FTCDNL1: variants seen among roughly 807,000 people sequenced by gnomAD.
FTCDNL1 encodes formiminotransferase N-terminal subdomain-containing protein.
In FTCDNL1, 11 loss-of-function variants were observed where a neutral mutation model predicts 5.9. That is an observed-to-expected ratio of 1.87 (90% CI 1.18 to 3.10). FTCDNL1 has a LOEUF of 3.10. Ranked by LOEUF, FTCDNL1 falls within the 30% of genes most tolerant of loss-of-function variation. The pLI is 0.00. For missense variants in FTCDNL1, 115 were observed against 65.5 expected (o/e 1.76, Z -2.61); for synonymous variants, 58 against 24.8 (o/e 2.34, Z -3.99).
At chr2:199,703,040 G>GTTTT in the FTCDNL1 span, among the ~76,000 whole-genome samples, 1 of 148,616 alleles carries the variant, frequency 6.7e-6, no homozygotes, top group Non-Finnish European at 1.5e-5. Context: ...TTGTTTGTTT[G>GTTTT]TTTTTAATTT....
At chr2:199,815,333 C>T (rs942343271) in intron 4 of FTCDNL1, among the ~76,000 whole-genome samples, 4 of 152,138 alleles carry the variant, frequency 2.6e-5, no homozygotes, top group Non-Finnish European at 5.9e-5. Flanking sequence ...TTGGGAACTT[C>T]AAAACAGAAA....
intron 2 of FTCDNL1, 141 bp downstream of exon 2, chr2:199,848,707 A>G: frequency 1.8e-6 from 1 of 563,940 alleles, no homozygotes; most frequent in Non-Finnish European, 3.1e-6. Context: ...AGTTGCGCAG[A>G]GCTGCAACAG....
the FTCDNL1 span, among the ~76,000 whole-genome samples, chr2:199,711,819 AC>A: frequency 3.9e-5 from 6 of 152,166 alleles, no homozygotes; most frequent in African/African-American, 1.4e-4. Flanking sequence ...CTGGGTTTCC[AC>A]ATCCTGGAAT....
At chr2:199,741,052 T>C in the FTCDNL1 span, among the ~76,000 whole-genome samples, 1 of 152,188 alleles carries the variant, frequency 6.6e-6, no homozygotes, top group South Asian at 2.1e-4. Flanking sequence ...GCAGGAATTA[T>C]GACCTCCCCT....
At chr2:199,735,488 C>T in the FTCDNL1 span, among the ~76,000 whole-genome samples, 2 of 151,750 alleles carry the variant, frequency 1.3e-5, no homozygotes, top group Non-Finnish European at 2.9e-5. Flanking sequence ...ATGTGTATAA[C>T]AAATTAAAGT....
chr2:199,701,549 G>C, the FTCDNL1 span, among the ~76,000 whole-genome samples: 1 of 152,076 alleles, frequency 6.6e-6, no homozygotes, highest in African/African-American at 2.4e-5. Flanking sequence ...CAAAGATATG[G>C]AATCAACCTA....
At chr2:199,733,572 G>T in the FTCDNL1 span, among the ~76,000 whole-genome samples, 1 of 152,170 alleles carries the variant, frequency 6.6e-6, no homozygotes, top group Non-Finnish European at 1.5e-5. Context: ...CTGTATCTAG[G>T]AAAGCAGGAA....
the FTCDNL1 span, among the ~76,000 whole-genome samples, chr2:199,723,091 T>G: frequency 6.6e-6 from 1 of 152,134 alleles, no homozygotes; most frequent in Non-Finnish European, 1.5e-5. Flanking sequence ...CATTAGCTAT[T>G]TTTTCTGATA....
the FTCDNL1 span, among the ~76,000 whole-genome samples, chr2:199,720,454 T>C: frequency 1.3e-5 from 2 of 152,168 alleles, no homozygotes; most frequent in African/African-American, 2.4e-5. Flanking sequence ...ACATCAGAAA[T>C]GTATACTCTT....
intron 3 of FTCDNL1, among the ~76,000 whole-genome samples, chr2:199,829,104 T>G (rs1702208667): frequency 1.3e-5 from 2 of 152,196 alleles, no homozygotes; most frequent in African/African-American, 4.8e-5. Flanking sequence ...AGAAAGAACA[T>G]AAGGCCATCA....
At chr2:199,785,792 A>C (rs771958455) in intron 3 of FTCDNL1, among the ~76,000 whole-genome samples, 1 of 151,972 alleles carries the variant, frequency 6.6e-6, no homozygotes, top group Non-Finnish European at 1.5e-5. Flanking sequence ...GGCTCACTTG[A>C]CTGAGTTTAA....
the FTCDNL1 span, among the ~76,000 whole-genome samples, chr2:199,688,605 G>C: frequency 6.6e-6 from 1 of 152,186 alleles, no homozygotes; most frequent in African/African-American, 2.4e-5. Context: ...AGGCAGTGGA[G>C]ACAGGCCTGG....
chr2:199,728,658 GA>G, the FTCDNL1 span, among the ~76,000 whole-genome samples: 1 of 152,176 alleles, frequency 6.6e-6, no homozygotes, highest in Non-Finnish European at 1.5e-5. Context: ...AGAGGGAAAT[GA>G]GCACAAGGAA....
At chr2:199,832,205 T>G (rs1283215634) in intron 3 of FTCDNL1, among the ~76,000 whole-genome samples, 1 of 152,218 alleles carries the variant, frequency 6.6e-6, no homozygotes, top group Non-Finnish European at 1.5e-5. Context: ...TGTGCAGATG[T>G]GATATAATTC....
downstream of FTCDNL1, among the ~76,000 whole-genome samples, chr2:199,804,796 C>T (rs371716617): frequency 6.6e-6 from 1 of 152,250 alleles, no homozygotes; most frequent in East Asian, 1.9e-4. Context: ...AGAAGCCAGT[C>T]TGAACCCAAT....
chr2:199,795,320 G>A (rs1332810289), intron 3 of FTCDNL1, among the ~76,000 whole-genome samples: 1 of 152,174 alleles, frequency 6.6e-6, no homozygotes, highest in African/African-American at 2.4e-5. Context: ...AGGAGTTATT[G>A]CAGGTTTCTT....
intron 3 of FTCDNL1, among the ~76,000 whole-genome samples, chr2:199,773,111 C>G (rs1698893192): frequency 6.6e-6 from 1 of 152,088 alleles, no homozygotes; most frequent in Non-Finnish European, 1.5e-5. Context: ...GCCATTTCCC[C>G]TAAACAAAAC....
chr2:199,734,085 C>A, the FTCDNL1 span, among the ~76,000 whole-genome samples: 5 of 152,036 alleles, frequency 3.3e-5, no homozygotes, highest in African/African-American at 2.4e-5. Flanking sequence ...GTAGGGCAAG[C>A]CTGGTTTCCT....
In FTCDNL1 at chr2:199,846,145, C is replaced by T. The variant is rs563210219; in HGVS notation, c.141G>A (p.Val47=). Residue 47 remains valine, a synonymous_variant, in exon 3 of 5, where the codon GTG becomes GTA. Transcript: ENST00000420128. ...KNGKKHPQVS[V]LNIFSDQDYK... is the part of the protein sequence containing the mutation. Reference sequence around the variant, plus strand: ...AGTCTTGATCGGAAAATATATTGAGCACTGAAACTTGAGGATGTTTCTTTC... The same window carrying T: ...AGTCTTGATCGGAAAATATATTGAGTACTGAAACTTGAGGATGTTTCTTTC... The T allele has an allele frequency of 3.3e-5, 23 of 698,178 alleles. No homozygotes were observed. Among genetic ancestry groups the T allele is most frequent in the Non-Finnish European group, 5.7e-5 (22 of 383,174 alleles). The allele number at this position is 698,178 out of a possible 1,614,324, so 43.2% of individuals were successfully genotyped here.
Sources: allele counts gnomAD v4.1 joint callset (sites outside exome capture counted in the v4.1 genomes callset), GRCh38; gene constraint gnomAD v4.1.1; transcripts MANE v1.5; gene names NCBI Gene and HGNC (gene_info 2026-07-23, HGNC 2026-07-21).